Variants in FAM120C observed in about 807,000 individuals in gnomAD.
FAM120C encodes the protein family with sequence similarity 120 member C, also known as constitutive coactivator of PPAR-gamma-like protein 2.
Under a neutral mutation model 71.2 loss-of-function variants are expected in FAM120C, and 14 were observed. The ratio of observed to expected loss-of-function variants is 0.20; its 90% CI spans 0.13 to 0.31. The LOEUF is 0.31. FAM120C is among the 10% of genes least tolerant of loss of function. The pLI is 1.00. For synonymous variants in FAM120C, 354 were observed against 353.2 expected (o/e 1.00, Z -0.03); for missense variants, 500 against 879.0 (o/e 0.57, Z 5.45).
intron 11 of FAM120C, among the ~76,000 whole-genome samples, chrX:54,090,887 G>A (rs1262808412): frequency 1.8e-5 from 2 of 111,085 alleles, no homozygotes; most frequent in African/African-American, 6.5e-5. Context: ...CTATACTACT[G>A]TGCTCTACTG....
chrX:54,077,927 A>G (rs1024320454), intron 15 of FAM120C, among the ~76,000 whole-genome samples: 4 of 100,258 alleles, frequency 4.0e-5, no homozygotes, highest in East Asian at 3.2e-4. Flanking sequence ...AAGAGATCCA[A>G]TAAGATCTAC....
At position 54,082,261 on chromosome X, in the gene FAM120C, G is replaced by A. The variant is rs143621781; in HGVS notation, c.2840-801C>T. 5.0e-3 allele frequency among the ~76,000 whole-genome samples: 548 copies of A among 110,100 alleles called. 2 individuals are homozygous for A. The highest frequency in any genetic ancestry group is 0.017 in the African/African-American group (516 of 30,314). On this transcript the variant is annotated intron_variant, in intron 13 of 15. Coordinates refer to ENST00000375180, the MANE Select transcript of FAM120C (RefSeq NM_017848.6). ...GGAAGCACATTTAGTGAGGAGGGCC[G>A]GAGATCTGTACACATCTACTTTACC... is the stretch of plus-strand genomic sequence containing the variant.
intron 10 of FAM120C, among the ~76,000 whole-genome samples, chrX:54,092,523 C>T (rs978447690): frequency 2.8e-5 from 3 of 109,071 alleles, no homozygotes; most frequent in Non-Finnish European, 5.7e-5. Flanking sequence ...CTAGCCTGGG[C>T]GACAGAGTGG....
intron 15 of FAM120C, among the ~76,000 whole-genome samples, chrX:54,077,939 CTTTTTTTTT>C (rs1194855968): frequency 3.6e-5 from 2 of 55,314 alleles, no homozygotes; most frequent in Admixed American, 7.1e-4. Flanking sequence ...AAGATCTACT[CTTTTTTTTT>C]TTTTTTTTTT....
intron 13 of FAM120C, among the ~76,000 whole-genome samples, 178 bp from the exon 14 acceptor site, chrX:54,081,638 G>A (rs925643599): frequency 2.7e-5 from 3 of 109,261 alleles, no homozygotes; most frequent in Non-Finnish European, 5.7e-5. Context: ...GCCAGGCATC[G>A]TGGTGTGCGG....
At chrX:54,151,419 C>A in intron 3 of FAM120C, 46 bp from the exon 4 acceptor site, 2 of 1,168,772 alleles carry the variant, frequency 1.7e-6, no homozygotes, top group South Asian at 3.9e-5. Flanking sequence ...AAAGATGGAT[C>A]ACTAAGAAAA....
At chrX:54,108,524 A>G (rs1270744948) in intron 10 of FAM120C, among the ~76,000 whole-genome samples, 1 of 111,848 alleles carries the variant, frequency 8.9e-6, no homozygotes, top group Non-Finnish European at 1.9e-5. Flanking sequence ...GCTGCCTGAT[A>G]TTAAGGCAAA....
intron 10 of FAM120C, among the ~76,000 whole-genome samples, chrX:54,103,755 CTTT>C (rs11295052): frequency 1.0e-5 from 1 of 98,423 alleles, no homozygotes; most frequent in Non-Finnish European, 2.0e-5. Flanking sequence ...CAAAACACCT[CTTT>C]TTTTTTTTTT....
intron 10 of FAM120C, among the ~76,000 whole-genome samples, chrX:54,107,558 C>T (rs2066913668): frequency 2.8e-5 from 3 of 107,094 alleles, no homozygotes; most frequent in African/African-American, 1.0e-4. Context: ...CTTACTCTGT[C>T]TCCCAGGCTG....
At chrX:54,159,698 T>G (rs2067226617) in intron 1 of FAM120C, 82 bp from the exon 2 acceptor site, 3 of 1,051,011 alleles carry the variant, frequency 2.9e-6, no homozygotes, top group Non-Finnish European at 3.9e-6. Flanking sequence ...CAACTAAATT[T>G]TATAGTTTGG....
chrX:54,080,393 AGTCAGAT>A (rs2066758498), intron 14 of FAM120C, 104 bp from the exon 15 acceptor site: 3 of 597,842 alleles, frequency 5.0e-6, no homozygotes, highest in Non-Finnish European at 8.3e-6. Context: ...GACCCTCTTC[AGTCAGAT>A]GCCCCTTCTC....
At chrX:54,119,757 T>C (rs1362667692) in intron 9 of FAM120C, among the ~76,000 whole-genome samples, 1 of 51,871 alleles carries the variant, frequency 1.9e-5, no homozygotes, top group Non-Finnish European at 3.4e-5. Flanking sequence ...TTGTTGCCAT[T>C]GCTTTTGGTG....
At chrX:54,149,617 C>A (rs1209993394) in intron 4 of FAM120C, among the ~76,000 whole-genome samples, 1 of 90,547 alleles carries the variant, frequency 1.1e-5, no homozygotes, top group Non-Finnish European at 2.1e-5. Flanking sequence ...CCAGCCAAGG[C>A]AACAAGAGCG....
chrX:54,171,937 T>G (rs2067290731), intron 1 of FAM120C: 1 of 112,008 alleles, frequency 8.9e-6, no homozygotes, highest in Admixed American at 9.5e-5. Context: ...ATCAAATATG[T>G]CAGAGAACCT....
At chrX:54,142,415 C>A (rs2067130304) in intron 4 of FAM120C, among the ~76,000 whole-genome samples, 1 of 112,406 alleles carries the variant, frequency 8.9e-6, no homozygotes, top group Non-Finnish European at 1.9e-5. Flanking sequence ...GCAAATGGCA[C>A]ACCAGGAGAT....
intron 9 of FAM120C, among the ~76,000 whole-genome samples, chrX:54,124,461 G>A (rs1268980860): frequency 1.3e-5 from 1 of 78,721 alleles, no homozygotes; most frequent in South Asian, 7.6e-4. Flanking sequence ...CGCAATATTC[G>A]GGTGGGAGTG....
intron 1 of FAM120C, among the ~76,000 whole-genome samples, chrX:54,182,052 T>G (rs1490394470): frequency 1.8e-5 from 2 of 111,131 alleles, no homozygotes; most frequent in Non-Finnish European, 3.8e-5. Flanking sequence ...AGAAGAAAGG[T>G]GTTCAGTTCA....
At chrX:54,154,052 T>C (rs917340159) in intron 3 of FAM120C, among the ~76,000 whole-genome samples, 1 of 107,948 alleles carries the variant, frequency 9.3e-6, no homozygotes, top group Non-Finnish European at 1.9e-5. Context: ...TTTTTTTTTT[T>C]AAAAGGGTCG....
chrX:54,076,858 G>A (rs1242170019), intron 15 of FAM120C, among the ~76,000 whole-genome samples: 4 of 111,455 alleles, frequency 3.6e-5, no homozygotes, highest in Non-Finnish European at 5.7e-5. Flanking sequence ...TTGGGAGGCC[G>A]AGGCAGGCGG....
Sources: allele counts gnomAD v4.1 joint callset (sites outside exome capture counted in the v4.1 genomes callset), GRCh38; gene constraint gnomAD v4.1.1; transcripts MANE v1.5; gene names NCBI Gene and HGNC (gene_info 2026-07-23, HGNC 2026-07-21).